The following STPG2 variants were observed in gnomAD, a reference collection of about 807,000 sequenced individuals.
STPG2 encodes sperm-tail PG-rich repeat-containing protein 2.
Under a neutral mutation model 54.2 loss-of-function variants are expected in STPG2, and 56 were observed. The observed-to-expected ratio is 1.03, with a 90% confidence interval of 0.83 to 1.29. The LOEUF (loss-of-function observed/expected upper bound fraction) is 1.29, where lower values mean the gene tolerates loss of function less well. Ranked by LOEUF, STPG2 falls within the 50% of genes most tolerant of loss-of-function variation. The pLI is 0.00. For missense variants in STPG2, 596 were observed against 544.9 expected (o/e 1.09, Z -0.93); for synonymous variants, 200 against 181.8 (o/e 1.10, Z -0.81).
At chr4:97,578,782 G>T (rs947747484) in intron 10 of STPG2, among the ~76,000 whole-genome samples, 1 of 152,060 alleles carries the variant, frequency 6.6e-6, no homozygotes, top group African/African-American at 2.4e-5. Context: ...AGTTCTAATT[G>T]TGAGAGTAGT....
At chr4:97,444,230 T>C (rs759968371) in intron 4 of STPG2, among the ~76,000 whole-genome samples, 11 of 152,178 alleles carry the variant, frequency 7.2e-5, no homozygotes, top group Middle Eastern at 3.4e-3. Flanking sequence ...AAAGAAGCAA[T>C]ATTTGAAAAG....
intron 5 of STPG2, among the ~76,000 whole-genome samples, chr4:98,097,009 C>T (rs540670010): frequency 9.2e-5 from 14 of 152,228 alleles, no homozygotes; most frequent in African/African-American, 2.2e-4. Flanking sequence ...AAGCCTGGGA[C>T]GTGATGGCTT....
chr4:97,716,409 T>C (rs1033710339), intron 9 of STPG2, among the ~76,000 whole-genome samples: 1 of 152,146 alleles, frequency 6.6e-6, no homozygotes, highest in African/African-American at 2.4e-5. Context: ...GTATGTTTAT[T>C]GCAGCACTGT....
At position 98,106,035 on chromosome 4, in the gene STPG2, T is replaced by A. The variant is rs779049323; in HGVS notation, c.530A>T (p.Asn177Ile). ...QKKTSYYENV[N>I]IKRDQQQNYC... ...ATTTTGTTGTTGATCTCTCTTGATG[T>A]TAACATTTTCATAATATGATGTCTT... Residue 177 changes from asparagine to isoleucine, a missense_variant, in exon 5 of 11, where the codon AAC (asparagine) becomes ATC (isoleucine). Transcript: ENST00000295268. 2 of 1,477,858 alleles carry A rather than the reference T, an allele frequency of 1.4e-6. No homozygotes were observed. The highest frequency in any genetic ancestry group is 9.2e-7 in the Non-Finnish European group (1 of 1,085,458). The allele number at this position is 1,477,858 out of a possible 1,614,324, so 91.5% of individuals were successfully genotyped here. A position where few individuals can be genotyped will look rare whatever the true frequency, so the allele number is the denominator to read the frequency against.
intron 4 of STPG2, among the ~76,000 whole-genome samples, chr4:97,519,889 G>A (rs1328220157): frequency 6.6e-6 from 1 of 151,986 alleles, no homozygotes; most frequent in Non-Finnish European, 1.5e-5. Flanking sequence ...ACTAGTTGAA[G>A]GATCAGGCTC....
intron 5 of STPG2, among the ~76,000 whole-genome samples, chr4:97,993,104 G>T (rs939837596): frequency 1.3e-5 from 2 of 152,104 alleles, no homozygotes; most frequent in Non-Finnish European, 2.9e-5. Flanking sequence ...GCTCTGGCTA[G>T]GATTTCCAGT....
intron 9 of STPG2, among the ~76,000 whole-genome samples, chr4:97,790,090 T>C (rs746658118): frequency 6.6e-6 from 1 of 152,186 alleles, no homozygotes; most frequent in Admixed American, 6.6e-5. Flanking sequence ...TTTATGTCTC[T>C]ATTTGCTTTT....
chr4:97,773,772 G>A (rs1448774910), intron 9 of STPG2, among the ~76,000 whole-genome samples: 2 of 152,152 alleles, frequency 1.3e-5, no homozygotes, highest in African/African-American at 4.8e-5. Flanking sequence ...TGTAGGAAAT[G>A]CAAGGAAGAA....
rs754013287 is a variant in STPG2, at chr4:97,972,408, T to C, written c.805A>G (p.Ile269Val). 1.1e-5 allele frequency: 18 copies of C among 1,600,628 alleles called. No homozygotes were observed. The African/African-American group carries it at 1.7e-4, about 16-fold the overall frequency. Residue 269 changes from isoleucine (I) to valine (V), a missense_variant, in exon 7 of 11, where the codon ATA (isoleucine) becomes GTA (valine). Transcript: ENST00000295268. ...CAGATATTTCTAACACTGGCAATTA[T>C]AGTATTGTTCAAGACATTATAAAAT... ...PGFYNVLNNT[I>V]IASVRNICSK...
chr4:97,463,356 T>C (rs1729712998), intron 4 of STPG2, among the ~76,000 whole-genome samples: 1 of 152,204 alleles, frequency 6.6e-6, no homozygotes, highest in African/African-American at 2.4e-5. Context: ...TATTTAGGTA[T>C]ACCTTTAGGT....
At position 97,797,121 on chromosome 4, in the gene STPG2, C is replaced by T. The variant is rs545115218; in HGVS notation, c.1204+43652G>A. ...ATGGGGTTTTCTACACATACAATCA[C>T]GTCATCTGCAAACAGAGACAATTTG... is the stretch of plus-strand genomic sequence containing the variant. On this transcript the variant is annotated intron_variant, in intron 9 of 10. Transcript: ENST00000295268. 3.3e-5 allele frequency among the ~76,000 whole-genome samples: 5 copies of T among 152,260 alleles called. No individual in the cohort carries two copies. The South Asian group carries it at 6.2e-4, about 19-fold the overall frequency.
At chr4:97,945,732 TG>T (rs200542134) in intron 7 of STPG2, among the ~76,000 whole-genome samples, 6,860 of 151,134 alleles carry the variant, frequency 0.045, 242 homozygotes, top group Admixed American at 0.13. Flanking sequence ...TTTTTGGGTT[TG>T]TTTATTGGTT....
At chr4:97,900,530 C>T (rs1731135470) in intron 8 of STPG2, among the ~76,000 whole-genome samples, 1 of 152,044 alleles carries the variant, frequency 6.6e-6, no homozygotes, top group South Asian at 2.1e-4. Flanking sequence ...CCTCAGTGAC[C>T]ATTAATGACA....
intron 10 of STPG2, among the ~76,000 whole-genome samples, chr4:97,700,169 G>A (rs1300293102): frequency 6.6e-6 from 1 of 152,144 alleles, no homozygotes; most frequent in East Asian, 1.9e-4. Context: ...ACCTATGGGG[G>A]ACTGCCAAAG....
intron 8 of STPG2, among the ~76,000 whole-genome samples, chr4:97,913,315 T>C (rs112996042): frequency 2.0e-5 from 3 of 152,290 alleles, no homozygotes; most frequent in African/African-American, 7.2e-5. Flanking sequence ...TTGAGCTGTA[T>C]TTTCCAATAC....
chr4:97,451,645 T>A (rs1729368276), intron 4 of STPG2, among the ~76,000 whole-genome samples: 1 of 152,140 alleles, frequency 6.6e-6, no homozygotes, highest in Non-Finnish European at 1.5e-5. Context: ...AAAGTATATT[T>A]GGAGGTATCA....
chr4:98,132,086 A>T (rs1488065639), intron 2 of STPG2, among the ~76,000 whole-genome samples: 3 of 152,130 alleles, frequency 2.0e-5, no homozygotes, highest in Admixed American at 1.3e-4. Flanking sequence ...TTTAACTTAT[A>T]TTATTTATAT....
At chr4:97,803,432 CAT>C (rs1356396177) in intron 9 of STPG2, among the ~76,000 whole-genome samples, 4 of 152,178 alleles carry the variant, frequency 2.6e-5, no homozygotes, top group African/African-American at 7.2e-5. Flanking sequence ...CTTTTTACCA[CAT>C]GATTCAGGTC....
At chr4:97,900,772 G>C (rs1001758287) in intron 8 of STPG2, among the ~76,000 whole-genome samples, 1 of 151,894 alleles carries the variant, frequency 6.6e-6, no homozygotes, top group African/African-American at 2.4e-5. Flanking sequence ...GAGTCTACTT[G>C]TGGGTGGAGG....
Sources: gnomAD v4.1 joint callset for allele counts (sites outside exome capture counted in the v4.1 genomes callset) on GRCh38, gnomAD v4.1.1 for gene constraint, MANE v1.5 for transcripts, NCBI Gene and HGNC (gene_info 2026-07-23, HGNC 2026-07-21) for gene names.